The following CDH8 variants were observed in gnomAD, a reference collection of about 807,000 sequenced individuals.
CDH8 encodes the protein cadherin-8.
CDH8 carries 17 observed loss-of-function variants against 68.1 expected under a neutral mutation model. The ratio of observed to expected loss-of-function variants is 0.25; its 90% CI spans 0.17 to 0.37. The LOEUF (loss-of-function observed/expected upper bound fraction) is 0.37. Among genes scored for constraint, CDH8 ranks in the 10% least tolerant of loss-of-function variants. CDH8 has a pLI of 1.00. For synonymous variants in CDH8, 372 were observed against 365.1 expected (o/e 1.02, Z -0.21); for missense variants, 763 against 999.3 (o/e 0.76, Z 3.19).
At position 61,647,643 on chromosome 16, in the gene CDH8, A is replaced by G. The variant is rs1204466692; in HGVS notation, c.*5965T>C. ...TTGGGGGGTGATCCCAATGACTCCT[A>G]AATTGTCATGGTCCATCTTAGAGCA... On this transcript the variant is annotated 3_prime_UTR_variant, in exon 12 of 12. Coordinates refer to ENST00000577390, the MANE Select transcript of CDH8 (RefSeq NM_001796.5). 7.0e-6 allele frequency: 4 copies of G among 571,734 alleles called. No homozygotes were observed. The highest frequency in any genetic ancestry group is 6.2e-6 in the Non-Finnish European group (2 of 322,972). The allele number at this position is 571,734 out of a possible 1,614,324, so 35.4% of individuals were successfully genotyped here. A position where few individuals can be genotyped will look rare whatever the true frequency, so the allele number is the denominator to read the frequency against.
intron 2 of CDH8, among the ~76,000 whole-genome samples, chr16:62,003,093 C>T (rs974844871): frequency 6.6e-6 from 1 of 152,066 alleles, no homozygotes; most frequent in African/African-American, 2.4e-5. Context: ...ATCATCCCTT[C>T]GTACAAAGGT....
At chr16:61,720,633 T>C (rs80121840) in intron 9 of CDH8, among the ~76,000 whole-genome samples, 1,900 of 151,008 alleles carry the variant, frequency 0.013, 24 homozygotes, top group Non-Finnish European at 0.019. Context: ...TTCTATATGA[T>C]GATTCCAGCT....
chr16:61,930,043 T>C (rs748036351), intron 2 of CDH8, among the ~76,000 whole-genome samples: 13 of 152,178 alleles, frequency 8.5e-5, no homozygotes, highest in Non-Finnish European at 1.9e-4. Context: ...AACAAATATA[T>C]GTAAGAGATG....
chr16:61,771,500 T>C (rs4784160), intron 8 of CDH8, among the ~76,000 whole-genome samples: 4,975 of 150,742 alleles, frequency 0.033, 269 homozygotes, highest in East Asian at 0.22. Context: ...AAAACTTTTT[T>C]TTAACCAATT....
chr16:61,947,964 C>T (rs1383643267), intron 2 of CDH8, among the ~76,000 whole-genome samples: 10 of 152,144 alleles, frequency 6.6e-5, no homozygotes, highest in Admixed American at 4.6e-4. Flanking sequence ...CTTCCAGTAA[C>T]GTGCCATTCA....
chr16:61,973,038 A>C (rs1385457282), intron 2 of CDH8, among the ~76,000 whole-genome samples: 1 of 152,210 alleles, frequency 6.6e-6, no homozygotes, highest in Non-Finnish European at 1.5e-5. Context: ...TTAGATAACT[A>C]CAGCTGACCC....
At position 61,811,838 on chromosome 16, in the gene CDH8, T is replaced by A. The variant is rs115920045; in HGVS notation, c.1277+5641A>T. 8.8e-3 allele frequency among the ~76,000 whole-genome samples: 1,339 copies of A among 152,198 alleles called. 27 individuals carry two copies. The highest frequency in any genetic ancestry group is 0.031 in the African/African-American group (1,291 of 41,528). The stretch of plus-strand genomic sequence containing the variant: ...TGCATGATTCTGCTTTTATGAGGTA[T>A]CCAAAATAGTCAAATCCAAAGAATC... On this transcript the variant is annotated intron_variant, in intron 7 of 11. Coordinates refer to ENST00000577390, the MANE Select transcript of CDH8 (RefSeq NM_001796.5).
chr16:61,702,188 C>T (rs1964442507), intron 10 of CDH8, among the ~76,000 whole-genome samples: 3 of 152,022 alleles, frequency 2.0e-5, no homozygotes, highest in Admixed American at 1.3e-4. Flanking sequence ...CTGGCTAACA[C>T]GGTGAAACCC....
chr16:61,849,559 G>A (rs1223168918), intron 4 of CDH8, among the ~76,000 whole-genome samples: 2 of 152,104 alleles, frequency 1.3e-5, no homozygotes, highest in Non-Finnish European at 2.9e-5. Flanking sequence ...ATAATTTGGA[G>A]GGGGTGTGTG....
intron 2 of CDH8, among the ~76,000 whole-genome samples, chr16:61,990,491 T>C (rs764635773): frequency 3.3e-5 from 5 of 151,742 alleles, no homozygotes; most frequent in African/African-American, 7.3e-5. Context: ...TTAATGTTCA[T>C]ATAAAGCAGA....
intron 8 of CDH8, among the ~76,000 whole-genome samples, chr16:61,753,915 C>T (rs1238074171): frequency 6.6e-6 from 1 of 152,066 alleles, no homozygotes; most frequent in East Asian, 1.9e-4. Context: ...TGCCAGGTCA[C>T]ATTGGATATT....
chr16:61,894,581 T>G (rs1963838430), intron 3 of CDH8, among the ~76,000 whole-genome samples: 1 of 152,150 alleles, frequency 6.6e-6, no homozygotes, highest in African/African-American at 2.4e-5. Flanking sequence ...ACAATACATT[T>G]GTACAACATT....
chr16:61,928,353 C>T (rs1222297065), intron 2 of CDH8, among the ~76,000 whole-genome samples: 1 of 152,206 alleles, frequency 6.6e-6, no homozygotes, highest in Non-Finnish European at 1.5e-5. Context: ...CATAATGTTG[C>T]ATATTAGCTA....
chr16:61,994,031 T>C (rs1287427133), intron 2 of CDH8, among the ~76,000 whole-genome samples: 1 of 152,192 alleles, frequency 6.6e-6, no homozygotes, highest in African/African-American at 2.4e-5. Flanking sequence ...CATGGTAAAG[T>C]GCAAACCCCT....
intron 4 of CDH8, among the ~76,000 whole-genome samples, chr16:61,829,686 G>A (rs142021796): frequency 9.5e-4 from 144 of 151,912 alleles, no homozygotes; most frequent in Middle Eastern, 3.4e-3. Flanking sequence ...AACATTGGGA[G>A]TAGGTTTTCT....
chr16:61,745,884 A>T (rs551602918), intron 8 of CDH8, among the ~76,000 whole-genome samples: 1 of 152,052 alleles, frequency 6.6e-6, no homozygotes, highest in East Asian at 1.9e-4. Context: ...GCATTTCAGA[A>T]TTTTTTAATT....
At position 61,876,595 on chromosome 16, in the gene CDH8, G is replaced by A. The variant is rs531229914; in HGVS notation, c.548-19357C>T. Among the ~76,000 whole-genome samples the A allele has an allele frequency of 3.9e-5, 6 of 152,104 alleles. No homozygotes were observed. In the East Asian group the frequency reaches 7.8e-4, roughly 20 times the overall value. ...TCAGGAAGAAGGCCTCTGCTTGCAC[G>A]GGTTTGGCTCATTTCTCTTCCCAGT... On this transcript the variant is annotated intron_variant, in intron 3 of 11. Coordinates refer to ENST00000577390, the MANE Select transcript of CDH8 (RefSeq NM_001796.5).
chr16:61,979,803 T>A (rs939641620), intron 2 of CDH8, among the ~76,000 whole-genome samples: 2 of 152,180 alleles, frequency 1.3e-5, no homozygotes, highest in African/African-American at 4.8e-5. Flanking sequence ...AAGCATGCAT[T>A]TTATGCCAGA....
chr16:61,721,373 G>C (rs1321050447), intron 9 of CDH8, among the ~76,000 whole-genome samples: 2 of 150,826 alleles, frequency 1.3e-5, no homozygotes, highest in Non-Finnish European at 3.0e-5. Context: ...TATTATGAAA[G>C]ATGCCTGCTG....
Sources: allele counts gnomAD v4.1 joint callset (sites outside exome capture counted in the v4.1 genomes callset), GRCh38; gene constraint gnomAD v4.1.1; transcripts MANE v1.5; gene names NCBI Gene and HGNC (gene_info 2026-07-23, HGNC 2026-07-21).